The following COMMD10 variants were observed in gnomAD, a reference collection of about 807,000 sequenced individuals.
The protein encoded by COMMD10 is COMM domain-containing protein 10.
A neutral mutation model predicts 28.9 loss-of-function variants in COMMD10; 33 were observed. The observed-to-expected ratio is 1.14, with a 90% CI of 0.87 to 1.53. The LOEUF (loss-of-function observed/expected upper bound fraction) is 1.53. Among genes scored for constraint, COMMD10 ranks in the 40% most tolerant of loss-of-function variants. The probability of loss-of-function intolerance (pLI) is 0.00; values close to 1 mark genes in which losing one functional copy is unlikely to be tolerated. For synonymous variants in COMMD10, 110 were observed against 81.7 expected (o/e 1.35, Z -1.87); for missense variants, 310 against 233.4 (o/e 1.33, Z -2.14).
intron 5 of COMMD10, among the ~76,000 whole-genome samples, chr5:116,194,005 C>T (rs1384903202): frequency 6.6e-6 from 1 of 152,028 alleles, no homozygotes; most frequent in Non-Finnish European, 1.5e-5. Context: ...GAAATCAACT[C>T]CAAAAGGAAC....
intron 4 of COMMD10, among the ~76,000 whole-genome samples, chr5:116,097,868 A>T (rs116787180): frequency 0.021 from 3,172 of 152,106 alleles, 108 homozygotes; most frequent in African/African-American, 0.073. Context: ...GCGAGAACTC[A>T]ACTATCACAA....
chr5:116,273,881 G>T (rs564969163), intron 5 of COMMD10, among the ~76,000 whole-genome samples: 2 of 151,684 alleles, frequency 1.3e-5, no homozygotes, highest in Non-Finnish European at 2.9e-5. Flanking sequence ...ATAAACTACA[G>T]AAAAGAGAAA....
rs991727489 is a variant in COMMD10 at position 116,227,047 on chromosome 5, C to G, written c.511-64470C>G. On this transcript the variant is annotated intron_variant, in intron 5 of 6. Coordinates refer to ENST00000274458, the MANE Select transcript of COMMD10 (RefSeq NM_016144.4). ...ACTGTTTATCTGATTCACTCTCCCC[C>G]TCTTTTGCCTTCTGGTGTTACAGAG... 5.3e-5 allele frequency among the ~76,000 whole-genome samples: 8 copies of G among 152,158 alleles called. No individual in the cohort carries two copies. The East Asian group carries it at 7.7e-4, about 15-fold the overall frequency.
At chr5:116,108,920 C>G (rs1281452338) in intron 4 of COMMD10, among the ~76,000 whole-genome samples, 1 of 152,140 alleles carries the variant, frequency 6.6e-6, no homozygotes, top group Admixed American at 6.5e-5. Flanking sequence ...TCGGTACAGT[C>G]TCTTACGGCT....
chr5:116,176,438 A>G (rs551963147), intron 5 of COMMD10, among the ~76,000 whole-genome samples: 1 of 152,300 alleles, frequency 6.6e-6, no homozygotes, highest in East Asian at 1.9e-4. Context: ...GTTCTGCTTT[A>G]GGCTTTTACA....
At chr5:116,110,794 C>T (rs953191384) in intron 4 of COMMD10, among the ~76,000 whole-genome samples, 1 of 152,048 alleles carries the variant, frequency 6.6e-6, no homozygotes, top group Non-Finnish European at 1.5e-5. Flanking sequence ...AGAGCAGGAA[C>T]AAGAGAGGAA....
chr5:116,291,583 ATT>A lies in COMMD10; in HGVS notation c.570+11_570+12del. On this transcript the variant is annotated splice_region_variant and intron_variant, in intron 6 of 6. Coordinates refer to ENST00000274458, the MANE Select transcript of COMMD10 (RefSeq NM_016144.4). ...GTTTGATTTCTATAACAAGGTCTGTATTTTTAAAATAATTTTCTAATATGTGG... is the reference window on the plus strand; with the variant it reads ...GTTTGATTTCTATAACAAGGTCTGTATTTAAAATAATTTTCTAATATGTGG... The A allele has an allele frequency of 6.7e-7, 1 of 1,494,758 alleles. No individual in the cohort carries two copies. Among genetic ancestry groups the A allele is most frequent in the Non-Finnish European group, 9.2e-7 (1 of 1,092,108 alleles). 92.6% of individuals were successfully genotyped at this position (1,494,758 alleles called of 1,614,324 possible). A position where few individuals can be genotyped will look rare whatever the true frequency, so the allele number is the denominator to read the frequency against.
chr5:116,209,597 C>T (rs1748906422), intron 5 of COMMD10, among the ~76,000 whole-genome samples: 2 of 152,202 alleles, frequency 1.3e-5, no homozygotes, highest in Non-Finnish European at 2.9e-5. Flanking sequence ...TGAACCCATG[C>T]TTCTGCCTAG....
intron 4 of COMMD10, among the ~76,000 whole-genome samples, chr5:116,100,653 G>T (rs1274623762): frequency 1.4e-5 from 2 of 147,908 alleles, no homozygotes; most frequent in Non-Finnish European, 1.5e-5. Context: ...TTATTGTTTA[G>T]ATTTAATAAA....
At chr5:116,110,922 A>T (rs541477664) in intron 4 of COMMD10, among the ~76,000 whole-genome samples, 1 of 152,136 alleles carries the variant, frequency 6.6e-6, no homozygotes, top group Non-Finnish European at 1.5e-5. Context: ...CCATCATCCA[A>T]TCACCTCCCA....
intron 5 of COMMD10, among the ~76,000 whole-genome samples, chr5:116,201,797 T>C (rs75737997): frequency 0.053 from 8,093 of 152,170 alleles, 306 homozygotes; most frequent in African/African-American, 0.11. Context: ...AGGTTTTTAA[T>C]TTATCCAAAG....
chr5:116,117,513 G>A (rs1273310094), intron 4 of COMMD10, among the ~76,000 whole-genome samples: 1 of 152,124 alleles, frequency 6.6e-6, no homozygotes, highest in African/African-American at 2.4e-5. Flanking sequence ...CCAGGCTGGA[G>A]TGTGCAGTGG....
At chr5:116,218,685 A>G (rs555517838) in intron 5 of COMMD10, among the ~76,000 whole-genome samples, 2 of 152,268 alleles carry the variant, frequency 1.3e-5, no homozygotes, top group African/African-American at 2.4e-5. Flanking sequence ...CATATTCCCA[A>G]GAAGCATTCT....
chr5:116,206,838 T>G (rs765298844), intron 5 of COMMD10, among the ~76,000 whole-genome samples: 4 of 152,128 alleles, frequency 2.6e-5, no homozygotes, highest in Non-Finnish European at 4.4e-5. Context: ...TTCCAGCCAG[T>G]GTGGGATATT....
At chr5:116,103,672 C>G (rs1348005516) in intron 4 of COMMD10, among the ~76,000 whole-genome samples, 1 of 152,122 alleles carries the variant, frequency 6.6e-6, no homozygotes, top group African/African-American at 2.4e-5. Context: ...TAATTAGATC[C>G]CATTTGTCCA....
chr5:116,267,968 A>G (rs1438757696), intron 5 of COMMD10, among the ~76,000 whole-genome samples: 1 of 151,910 alleles, frequency 6.6e-6, no homozygotes, highest in Non-Finnish European at 1.5e-5. Flanking sequence ...TTAAAGACTT[A>G]CATGTTAGAC....
chr5:116,279,397 C>G (rs1454350806), intron 5 of COMMD10, among the ~76,000 whole-genome samples: 1 of 151,688 alleles, frequency 6.6e-6, no homozygotes, highest in East Asian at 1.9e-4. Context: ...TTGTGTATTC[C>G]ATGTATTTGT....
chr5:116,194,702 C>T (rs915666626), intron 5 of COMMD10, among the ~76,000 whole-genome samples: 1 of 152,124 alleles, frequency 6.6e-6, no homozygotes, highest in African/African-American at 2.4e-5. Flanking sequence ...CAAGAGAAGT[C>T]CAGGACCAGA....
chr5:116,166,104 A>G (rs1753082313), intron 5 of COMMD10, among the ~76,000 whole-genome samples: 1 of 151,908 alleles, frequency 6.6e-6, no homozygotes, highest in Non-Finnish European at 1.5e-5. Flanking sequence ...ATGTTTAAAT[A>G]TTTCTATAGT....
Sources: allele counts gnomAD v4.1 joint callset (sites outside exome capture counted in the v4.1 genomes callset), GRCh38; gene constraint gnomAD v4.1.1; transcripts MANE v1.5; gene names NCBI Gene and HGNC (gene_info 2026-07-23, HGNC 2026-07-21).